The following EFEMP1 variants were observed in gnomAD, a reference collection of about 807,000 sequenced individuals.
EFEMP1 encodes EGF-containing fibulin-like extracellular matrix protein 1.
A neutral mutation model predicts 65.7 loss-of-function variants in EFEMP1; 18 were observed. The observed-to-expected ratio is 0.27, with a 90% CI of 0.19 to 0.41. The LOEUF (loss-of-function observed/expected upper bound fraction) is 0.41, where lower values mean the gene tolerates loss of function less well. Ranked by LOEUF, EFEMP1 falls within the 10% of genes least tolerant of loss-of-function variation. The pLI is 1.00. For synonymous variants in EFEMP1, 237 were observed against 219.7 expected (o/e 1.08, Z -0.70); for missense variants, 469 against 624.8 (o/e 0.75, Z 2.66).
At chr2:55,874,480 C>T (rs1293067056) in intron 9 of EFEMP1, among the ~76,000 whole-genome samples, 1 of 152,168 alleles carries the variant, frequency 6.6e-6, no homozygotes, top group East Asian at 1.9e-4. Context: ...CTAAAATATT[C>T]AACTATATTT....
rs1294249122 is a variant in EFEMP1, at chr2:55,883,743, C to T, written c.518-2009G>A. Among the ~76,000 whole-genome samples the T allele has an allele frequency of 6.6e-6, 1 of 152,082 alleles. No homozygotes were observed. The highest frequency in any genetic ancestry group is 1.5e-5 in the Non-Finnish European group (1 of 68,018). Reference sequence around the variant, plus strand: ...TTTCTTGTTGCTCATTTCTTAGTGTCTGATAAATAGGCTAACATTTCCAGT... The same window carrying T: ...TTTCTTGTTGCTCATTTCTTAGTGTTTGATAAATAGGCTAACATTTCCAGT... On this transcript the variant is annotated intron_variant, in intron 5 of 11. Transcript: ENST00000355426. The surrounding 1 kb of genome is among the most constrained non-coding windows in gnomAD (Gnocchi z 4.5).
Position 55,922,889 on chromosome 2 carries a change from G to T in EFEMP1, c.-8+10C>A. ...TCTCTAGAACGTTAAGGCTTTCCCA[G>T]TATACTCACCTTGAGCTAGCAGAGT... On this transcript the variant is annotated intron_variant, in intron 2 of 11. Coordinates refer to ENST00000355426, the MANE Select transcript of EFEMP1 (RefSeq NM_001039348.3). This position sits in a 1 kb window ranked among gnomAD's most constrained non-coding sequence, Gnocchi z 5.5. 8.9e-7 allele frequency: 1 copy of T among 1,120,968 alleles called. No individual in the cohort carries two copies. Among genetic ancestry groups the T allele is most frequent in the South Asian group, 2.3e-5 (1 of 43,786 alleles). The allele number at this position is 1,120,968 out of a possible 1,614,324, so 69.4% of individuals were successfully genotyped here. A position where few individuals can be genotyped will look rare whatever the true frequency, so the allele number is the denominator to read the frequency against.
intron 5 of EFEMP1, among the ~76,000 whole-genome samples, chr2:55,915,586 G>T (rs1670647103): frequency 6.6e-6 from 1 of 151,974 alleles, no homozygotes. Flanking sequence ...GTCAATGACG[G>T]TCTACAAACT....
chr2:55,891,173 G>C (rs1669615247), intron 5 of EFEMP1, among the ~76,000 whole-genome samples: 1 of 152,014 alleles, frequency 6.6e-6, no homozygotes, highest in South Asian at 2.1e-4. Context: ...ATGCAAGAAA[G>C]GCAGATTTTC....
intron 5 of EFEMP1, among the ~76,000 whole-genome samples, chr2:55,890,997 T>C (rs1196560774): frequency 6.6e-6 from 1 of 152,020 alleles, no homozygotes; most frequent in Non-Finnish European, 1.5e-5. Flanking sequence ...TGCAGGTTTG[T>C]TATATAGGTA....
chr2:55,915,487 A>C (rs533116722), intron 5 of EFEMP1, among the ~76,000 whole-genome samples: 2 of 152,354 alleles, frequency 1.3e-5, no homozygotes, highest in South Asian at 4.1e-4. Flanking sequence ...TTTCTACCGT[A>C]ACCAATACAT....
At chr2:55,908,696 T>C (rs1670373903) in intron 5 of EFEMP1, among the ~76,000 whole-genome samples, 1 of 152,288 alleles carries the variant, frequency 6.6e-6, no homozygotes, top group African/African-American at 2.4e-5. Flanking sequence ...CCCATAAATA[T>C]GTATATTTTT....
At position 55,919,062 on chromosome 2, in the gene EFEMP1, TTGACAGAGGAGG is replaced by T. The variant is rs936164363; in HGVS notation, c.82-807_82-796del. ...AGCATGGCAGGGCAGAAGGGAAGAC[TTGACAGAGGAGG>T]TGACAGTAAATCAGGCTTTACAGGA... On this transcript the variant is annotated intron_variant, in intron 3 of 11. Transcript: ENST00000355426. This position sits in a 1 kb window ranked among gnomAD's most constrained non-coding sequence, Gnocchi z 4.5. Among the ~76,000 whole-genome samples the T allele has an allele frequency of 6.6e-6, 1 of 152,118 alleles. No individual in the cohort carries two copies. Among genetic ancestry groups the T allele is most frequent in the Non-Finnish European group, 1.5e-5 (1 of 68,012 alleles).
intron 5 of EFEMP1, among the ~76,000 whole-genome samples, chr2:55,912,171 T>C (rs944223917): frequency 1.3e-5 from 2 of 152,196 alleles, no homozygotes; most frequent in African/African-American, 4.8e-5. Flanking sequence ...GTTAACATCA[T>C]AATTTACTCA....
At chr2:55,887,609 G>A (rs1669469109) in intron 5 of EFEMP1, among the ~76,000 whole-genome samples, 1 of 152,152 alleles carries the variant, frequency 6.6e-6, no homozygotes, top group South Asian at 2.1e-4. Flanking sequence ...CAGTTCTAGT[G>A]GAGAAAATAA....
Position 55,918,007 on chromosome 2 carries a change from T to C in EFEMP1, c.175A>G (p.Met59Val). Residue 59 changes from methionine (M) to valine (V), a missense_variant, in exon 5 of 12, where the codon ATG (methionine) becomes GTG (valine). Around this residue, in one of 3 missense-constraint regions of EFEMP1, gnomAD observed 66 missense variants for 73.0 expected, o/e 0.90. Coordinates refer to ENST00000355426, the MANE Select transcript of EFEMP1 (RefSeq NM_001039348.3). ...CCTCCATAGTGGTTGACACACTTCA[T>C]TCCACCTTTACAAGCGTCTGGGACA... ...DIVPDACKGG[M>V]KCVNHYGGYL... is the part of the protein sequence containing the mutation. The C allele has an allele frequency of 6.2e-7, 1 of 1,614,254 alleles. No individual in the cohort carries two copies. The highest frequency in any genetic ancestry group is 1.1e-5 in the South Asian group (1 of 91,086).
chr2:55,896,780 G>A (rs1669843579), intron 5 of EFEMP1, among the ~76,000 whole-genome samples: 1 of 152,212 alleles, frequency 6.6e-6, no homozygotes, highest in Non-Finnish European at 1.5e-5. Flanking sequence ...GCATACACAA[G>A]TTTCAGACTG....
rs1471772530 is a variant in EFEMP1, at chr2:55,917,523, T to C, written c.517+142A>G. The C allele has an allele frequency of 4.6e-6, 5 of 1,092,038 alleles. No individual in the cohort carries two copies. The highest frequency in any genetic ancestry group is 7.0e-6 in the Non-Finnish European group (5 of 714,752). The allele number at this position is 1,092,038 out of a possible 1,614,324, so 67.6% of individuals were successfully genotyped here. On this transcript the variant is annotated intron_variant, in intron 5 of 11. Coordinates refer to ENST00000355426, the MANE Select transcript of EFEMP1 (RefSeq NM_001039348.3). This position sits in a 1 kb window ranked among gnomAD's most constrained non-coding sequence, Gnocchi z 6.3. ...TACAGCAACTACCCTTTAGGAATAT[T>C]GTGATGATTAAATATAATGCAGACA...
In EFEMP1 at chr2:55,921,611, CCTT is replaced by C. The variant is rs1296997159; in HGVS notation, c.81+746_81+748del. 1.3e-5 allele frequency among the ~76,000 whole-genome samples: 2 copies of C among 152,332 alleles called. No homozygotes were observed. Among genetic ancestry groups the C allele is most frequent in the East Asian group, 3.9e-4 (2 of 5,182 alleles). On this transcript the variant is annotated intron_variant, in intron 3 of 11. Coordinates refer to ENST00000355426, the MANE Select transcript of EFEMP1 (RefSeq NM_001039348.3). The surrounding 1 kb of genome is among the most constrained non-coding windows in gnomAD (Gnocchi z 4.1). ...TCACCAGAAGTGAAGTCAGTACTGT[CCTT>C]CTCTGTTCTCACCACAACTATTTGT...
chr2:55,897,960 G>C (rs572301971), intron 5 of EFEMP1, among the ~76,000 whole-genome samples: 1 of 152,310 alleles, frequency 6.6e-6, no homozygotes, highest in East Asian at 1.9e-4. Flanking sequence ...ACTCTGCTTA[G>C]GTTGAATTCA....
At chr2:55,888,333 A>C (rs1897112) in intron 5 of EFEMP1, among the ~76,000 whole-genome samples, 27,172 of 131,686 alleles carry the variant, frequency 0.21, 3,759 homozygotes, top group East Asian at 0.74. Context: ...TCCTTCTTAA[A>C]CTTTTTTTTT....
chr2:55,920,327 G>A (rs1312661877), intron 3 of EFEMP1, among the ~76,000 whole-genome samples: 1 of 152,142 alleles, frequency 6.6e-6, no homozygotes, highest in Non-Finnish European at 1.5e-5. Context: ...CTGTATAATA[G>A]TATCATTTGT....
intron 5 of EFEMP1, among the ~76,000 whole-genome samples, chr2:55,892,417 C>T (rs1669661936): frequency 6.6e-6 from 1 of 152,020 alleles, no homozygotes; most frequent in Non-Finnish European, 1.5e-5. Context: ...TTCTTGGGGC[C>T]ATGGTCATGG....
At chr2:55,918,918 C>A (rs966860795) in intron 3 of EFEMP1, among the ~76,000 whole-genome samples, 3 of 152,174 alleles carry the variant, frequency 2.0e-5, no homozygotes, top group Admixed American at 2.0e-4. Context: ...TCCCTGTCCT[C>A]AAGCAGCTCA....
Sources: allele counts gnomAD v4.1 joint callset (sites outside exome capture counted in the v4.1 genomes callset), GRCh38; gene constraint gnomAD v4.1.1; regional missense constraint gnomAD v4.1.1; non-coding constraint Gnocchi (gnomAD v3.1); transcripts MANE v1.5; gene names NCBI Gene and HGNC (gene_info 2026-07-23, HGNC 2026-07-21).